PHKB: variants seen among roughly 807,000 people sequenced by gnomAD.
PHKB encodes the protein phosphorylase kinase regulatory subunit beta.
A neutral mutation model predicts 152.1 loss-of-function variants in PHKB; 122 were observed. The ratio of observed to expected loss-of-function variants is 0.80; its 90% CI spans 0.69 to 0.93. PHKB has a LOEUF of 0.93. PHKB is among the 40% of genes least tolerant of loss of function. The pLI, the probability that PHKB is intolerant of heterozygous loss-of-function variation, is 0.00. For synonymous variants in PHKB, 436 were observed against 464.9 expected (o/e 0.94, Z 0.80); for missense variants, 1,304 against 1,328.4 (o/e 0.98, Z 0.29).
At chr16:47,469,836 C>T (rs1045531601) in intron 1 of PHKB, among the ~76,000 whole-genome samples, 2 of 152,104 alleles carry the variant, frequency 1.3e-5, no homozygotes, top group Non-Finnish European at 2.9e-5. Context: ...ATGTTTTGCA[C>T]TTAATTTTCC....
At chr16:47,517,457 A>G (rs1337743689) in intron 6 of PHKB, among the ~76,000 whole-genome samples, 2 of 151,954 alleles carry the variant, frequency 1.3e-5, no homozygotes, top group East Asian at 1.9e-4. Flanking sequence ...TGGGTTTACC[A>G]TGTTGCCCAG....
chr16:47,511,793 T>TTATTCTCCTTA, intron 5 of PHKB, 21 bp downstream of exon 5: 1 of 1,350,486 alleles, frequency 7.4e-7, no homozygotes, highest in Non-Finnish European at 1.1e-6. Flanking sequence ...ATTATACATT[T>TTATTCTCCTTA]TATTCTCCTT....
intron 7 of PHKB, among the ~76,000 whole-genome samples, chr16:47,575,271 C>T (rs922327285): frequency 2.6e-5 from 4 of 152,154 alleles, no homozygotes; most frequent in Non-Finnish European, 4.4e-5. Context: ...ATTAACACAA[C>T]CTCTATGGAA....
intron 7 of PHKB, chr16:47,566,766 G>T: frequency 1.3e-6 from 1 of 745,330 alleles, no homozygotes. Flanking sequence ...CAGGTCATCT[G>T]TTTCATGAGC....
intron 1 of PHKB, among the ~76,000 whole-genome samples, chr16:47,479,855 CT>C (rs1969934012): frequency 6.6e-6 from 1 of 152,162 alleles, no homozygotes; most frequent in Non-Finnish European, 1.5e-5. Context: ...TTGCAGCTTC[CT>C]TTCACTGGTA....
At chr16:47,676,898 C>T (rs1247455893) in intron 26 of PHKB, among the ~76,000 whole-genome samples, 1 of 152,208 alleles carries the variant, frequency 6.6e-6, no homozygotes, top group South Asian at 2.1e-4. Flanking sequence ...TTACAGATAA[C>T]CCCAGAGGAT....
intron 4 of PHKB, 109 bp downstream of exon 4, chr16:47,503,199 C>A: frequency 1.2e-6 from 1 of 843,306 alleles, no homozygotes; most frequent in Non-Finnish European, 2.0e-6. Context: ...AAAGGGAAAG[C>A]CACATCCTAG....
intron 7 of PHKB, among the ~76,000 whole-genome samples, chr16:47,553,933 G>T (rs147426074): frequency 5.5e-4 from 83 of 152,210 alleles, no homozygotes; most frequent in African/African-American, 1.8e-3. Flanking sequence ...AGGGGCACCC[G>T]CCAGATGCCA....
chr16:47,628,587 A>T (rs897989172), intron 14 of PHKB, among the ~76,000 whole-genome samples: 1 of 152,226 alleles, frequency 6.6e-6, no homozygotes, highest in African/African-American at 2.4e-5. Flanking sequence ...ATACAATTGC[A>T]AAAATTAGAA....
chr16:47,487,325 C>T (rs1384040603), intron 1 of PHKB, among the ~76,000 whole-genome samples: 1 of 152,044 alleles, frequency 6.6e-6, no homozygotes, highest in Admixed American at 6.6e-5. Context: ...CATCATATGC[C>T]TGTGATAGGT....
At chr16:47,638,198 TG>T (rs1972956022) in intron 14 of PHKB, among the ~76,000 whole-genome samples, 1 of 152,142 alleles carries the variant, frequency 6.6e-6, no homozygotes, top group Non-Finnish European at 1.5e-5. Flanking sequence ...CAGAATCATT[TG>T]GGGAAGAACT....
Position 47,530,500 on chromosome 16 carries a change from G to A in PHKB, c.594+14899G>A, listed in dbSNP as rs553579651. Among the ~76,000 whole-genome samples, 5 of 152,212 alleles carry A rather than the reference G, an allele frequency of 3.3e-5. No homozygotes were observed. The East Asian group carries it at 9.6e-4, about 29-fold the overall frequency. On this transcript the variant is annotated intron_variant, in intron 6 of 30. Coordinates refer to ENST00000323584, the MANE Select transcript of PHKB (RefSeq NM_000293.3). ...ACAGGTGACCTAGCCAAAGCAATAA[G>A]GCAAGAAGTAATAGGTGTGGATGGC...
At chr16:47,508,267 C>G (rs1210374018) in intron 4 of PHKB, among the ~76,000 whole-genome samples, 1 of 152,122 alleles carries the variant, frequency 6.6e-6, no homozygotes, top group Non-Finnish European at 1.5e-5. Flanking sequence ...TTATTAATGT[C>G]AGCTATGTTT....
rs370363309 is a variant in PHKB at position 47,511,704 on chromosome 16, C to T, written c.445C>T (p.Leu149Phe). ...GCAGGATCCACGCCCAACAACATGT[C>T]TTCACTCTGTTTTCAATGTGCATAC... Reference protein sequence around the residue: ...FKQDPRPTTCLHSVFNVHTGD... With the variant: ...FKQDPRPTTCFHSVFNVHTGD... Residue 149 changes from leucine (L) to phenylalanine (F), a missense_variant, in exon 5 of 31, where the codon CTT (leucine) becomes TTT (phenylalanine). Transcript: ENST00000323584. The T allele has an allele frequency of 5.4e-5, 87 of 1,613,256 alleles. No individual in the cohort carries two copies. Among genetic ancestry groups the T allele is most frequent in the Middle Eastern group, 1.6e-4 (1 of 6,084 alleles).
chr16:47,531,026 A>G (rs1970853116), intron 6 of PHKB, among the ~76,000 whole-genome samples: 1 of 152,098 alleles, frequency 6.6e-6, no homozygotes, highest in African/African-American at 2.4e-5. Flanking sequence ...ATGAAGGGAG[A>G]CTTCCTTTAC....
In PHKB at chr16:47,701,157, C is replaced by T. The variant is rs1974241927; in HGVS notation, c.*1791C>T. On this transcript the variant is annotated 3_prime_UTR_variant, in exon 31 of 31. Coordinates refer to ENST00000323584, the MANE Select transcript of PHKB (RefSeq NM_000293.3). ...CCATGGAGAGGGAATTGAGAGCTGA[C>T]ACTTCATAACTGGAGAAACTGGAAA... 1 of 152,056 alleles carries T rather than the reference C, an allele frequency of 6.6e-6. No homozygotes were observed. Among genetic ancestry groups the T allele is most frequent in the Non-Finnish European group, 1.5e-5 (1 of 68,016 alleles). The allele number at this position is 152,056 out of a possible 1,614,324, so 9.4% of individuals were successfully genotyped here. A position where few individuals can be genotyped will look rare whatever the true frequency, so the allele number is the denominator to read the frequency against.
intron 1 of PHKB, among the ~76,000 whole-genome samples, chr16:47,478,323 A>ATT (rs1040550718): frequency 2.0e-5 from 3 of 152,180 alleles, no homozygotes; most frequent in Non-Finnish European, 4.4e-5. Flanking sequence ...GAAATGGTTC[A>ATT]TTTACATGGC....
intron 20 of PHKB, among the ~76,000 whole-genome samples, chr16:47,656,308 C>T (rs1362734594): frequency 2.2e-4 from 33 of 152,158 alleles, no homozygotes; most frequent in African/African-American, 1.2e-4. Flanking sequence ...TGAGCCACCG[C>T]GCCTGGCCAA....
chr16:47,664,901 G>A lies in PHKB; in HGVS notation c.2353G>A (p.Gly785Arg), dbSNP rs781419588. 3.1e-6 allele frequency: 5 copies of A among 1,613,348 alleles called. No homozygotes were observed. Among genetic ancestry groups the A allele is most frequent in the African/African-American group, 2.7e-5 (2 of 74,970 alleles). The change falls in exon 25 of 31, where the codon GGG (glycine) becomes AGG (arginine). Residue 785 changes from glycine to arginine, a missense_variant. Coordinates refer to ENST00000323584, the MANE Select transcript of PHKB (RefSeq NM_000293.3). ...CACACCCAGGTTGGCGGTGCGCTACGGGGCTGCATTTACCCAGAAATTTTC... is the reference window on the plus strand; with the variant it reads ...CACACCCAGGTTGGCGGTGCGCTACAGGGCTGCATTTACCCAGAAATTTTC... Reference protein sequence around the residue: ...SQKLWLAVRYGAAFTQKFSSS... With the variant: ...SQKLWLAVRYRAAFTQKFSSS...
Sources: gnomAD v4.1 joint callset for allele counts (sites outside exome capture counted in the v4.1 genomes callset) on GRCh38, gnomAD v4.1.1 for gene constraint, MANE v1.5 for transcripts, NCBI Gene and HGNC (gene_info 2026-07-23, HGNC 2026-07-21) for gene names.